TASP1: variants seen among roughly 807,000 people sequenced by gnomAD.
The protein encoded by TASP1 is threonine aspartase 1.
TASP1 carries 16 observed loss-of-function variants against 56.6 expected under a neutral mutation model. The observed-to-expected ratio is 0.28, with a 90% CI of 0.19 to 0.43. The LOEUF is 0.43. TASP1 is among the 20% of genes least tolerant of loss of function. TASP1 has a pLI of 1.00. For missense variants in TASP1, 393 were observed against 511.6 expected (o/e 0.77, Z 2.24); for synonymous variants, 179 against 184.2 (o/e 0.97, Z 0.23).
chr20:13,391,842 C>T (rs2041296490), intron 13 of TASP1, among the ~76,000 whole-genome samples: 2 of 151,956 alleles, frequency 1.3e-5, no homozygotes, highest in Admixed American at 6.5e-5. Flanking sequence ...GTGGCAGGCG[C>T]CTGTAGTCCC....
downstream of TASP1, among the ~76,000 whole-genome samples, chr20:13,384,560 T>G (rs1434905063): frequency 6.6e-6 from 1 of 152,148 alleles, no homozygotes; most frequent in Non-Finnish European, 1.5e-5. Context: ...ATCATAGACA[T>G]CTGGCTAATA....
chr20:13,501,166 A>C (rs1417921212), intron 10 of TASP1, among the ~76,000 whole-genome samples: 1 of 152,014 alleles, frequency 6.6e-6, no homozygotes, highest in Non-Finnish European at 1.5e-5. Context: ...TATTTCTGAT[A>C]AACAAAGCTG....
At chr20:13,278,762 G>A in the TASP1 span, among the ~76,000 whole-genome samples, 12 of 152,226 alleles carry the variant, frequency 7.9e-5, no homozygotes, top group African/African-American at 2.7e-4. Context: ...TCTGCTCCAT[G>A]TGATGTTGGC....
At chr20:13,286,589 G>A in the TASP1 span, among the ~76,000 whole-genome samples, 2 of 152,120 alleles carry the variant, frequency 1.3e-5, no homozygotes, top group African/African-American at 4.8e-5. Context: ...GGCCTCGGGG[G>A]GCAGATAAGA....
the TASP1 span, chr20:13,166,129 T>A: frequency 6.6e-6 from 1 of 152,656 alleles, no homozygotes; most frequent in African/African-American, 2.4e-5. Flanking sequence ...GGTGACCTTT[T>A]AGCAAAGCTT....
chr20:13,405,536 TATTTA>T (rs1239518578), intron 13 of TASP1, among the ~76,000 whole-genome samples: 1 of 152,160 alleles, frequency 6.6e-6, no homozygotes, highest in Non-Finnish European at 1.5e-5. Context: ...AAATTTGGTT[TATTTA>T]ATTTAATTAA....
the TASP1 span, among the ~76,000 whole-genome samples, chr20:13,162,156 C>T: frequency 6.6e-6 from 1 of 152,146 alleles, no homozygotes; most frequent in Admixed American, 6.5e-5. Flanking sequence ...TTAGAAAATA[C>T]CCTTGAAAAT....
the TASP1 span, among the ~76,000 whole-genome samples, chr20:13,292,140 T>A: frequency 0.018 from 2,689 of 152,326 alleles, 76 homozygotes; most frequent in African/African-American, 0.062. Flanking sequence ...TTCCTAGGAC[T>A]TATTCAGGCA....
At chr20:13,606,618 T>C (rs1387848283) in intron 4 of TASP1, among the ~76,000 whole-genome samples, 2 of 151,960 alleles carry the variant, frequency 1.3e-5, no homozygotes, top group East Asian at 1.9e-4. Flanking sequence ...CCATCCTGAC[T>C]AACACGGTGA....
chr20:13,174,881 T>A, the TASP1 span, among the ~76,000 whole-genome samples: 7 of 152,126 alleles, frequency 4.6e-5, no homozygotes, highest in African/African-American at 1.7e-4. Flanking sequence ...CAGGTGGAGA[T>A]AATTGAATCA....
At chr20:13,480,802 T>C (rs2043114111) in intron 11 of TASP1, among the ~76,000 whole-genome samples, 1 of 152,202 alleles carries the variant, frequency 6.6e-6, no homozygotes, top group Non-Finnish European at 1.5e-5. Context: ...TGAATGTTTT[T>C]ATTTTTTAAC....
intron 4 of TASP1, among the ~76,000 whole-genome samples, chr20:13,607,180 A>T (rs1410832284): frequency 6.6e-6 from 1 of 152,208 alleles, no homozygotes; most frequent in East Asian, 1.9e-4. Flanking sequence ...TTTCAAGGAG[A>T]CATGGCTTTA....
downstream of TASP1, among the ~76,000 whole-genome samples, chr20:13,384,500 G>C (rs1204695866): frequency 6.6e-6 from 1 of 151,722 alleles, no homozygotes; most frequent in East Asian, 1.9e-4. Flanking sequence ...AGAAGCATGG[G>C]GGAAAAAAAA....
At chr20:13,244,015 T>A in the TASP1 span, 3 of 152,298 alleles carry the variant, frequency 2.0e-5, no homozygotes, top group East Asian at 5.8e-4. Flanking sequence ...TTACCACATC[T>A]CCAGTGTAGG....
chr20:13,451,893 T>C (rs1240621379), intron 11 of TASP1, among the ~76,000 whole-genome samples: 1 of 152,100 alleles, frequency 6.6e-6, no homozygotes, highest in Non-Finnish European at 1.5e-5. Flanking sequence ...AGTGAGAGAT[T>C]TGCAACTCTT....
rs1176885657 is a variant in TASP1, at chr20:13,623,530, G to T, written c.214-16C>A. The T allele has an allele frequency of 5.8e-6, 9 of 1,553,088 alleles. No individual in the cohort carries two copies. In the African/African-American group the frequency reaches 6.8e-5, roughly 12 times the overall value. ...TTTCAATTGCCTATGAAACCAAGGG[G>T]AGAGATTATTCATTGCAAAATCACA... On this transcript the variant is annotated splice_polypyrimidine_tract_variant and intron_variant, in intron 3 of 13. Coordinates refer to ENST00000337743, the MANE Select transcript of TASP1 (RefSeq NM_017714.3).
the TASP1 span, among the ~76,000 whole-genome samples, chr20:13,175,651 C>A: frequency 6.6e-6 from 1 of 152,158 alleles, no homozygotes. Flanking sequence ...ACGAGTTTGG[C>A]ACTTAGATTT....
At chr20:13,373,021 G>T in the TASP1 span, among the ~76,000 whole-genome samples, 1 of 151,810 alleles carries the variant, frequency 6.6e-6, no homozygotes, top group South Asian at 2.1e-4. Flanking sequence ...TGTAATTTTT[G>T]TCTATTAAAG....
chr20:13,283,923 G>A, the TASP1 span, among the ~76,000 whole-genome samples: 7 of 152,146 alleles, frequency 4.6e-5, no homozygotes, highest in Admixed American at 2.0e-4. Flanking sequence ...TAAAGCCAGA[G>A]CAACGTGGGC....
Sources: allele counts gnomAD v4.1 joint callset (sites outside exome capture counted in the v4.1 genomes callset), GRCh38; gene constraint gnomAD v4.1.1; transcripts MANE v1.5; gene names NCBI Gene and HGNC (gene_info 2026-07-23, HGNC 2026-07-21).